DNAJC6: variants seen among roughly 807,000 people sequenced by gnomAD.
DNAJC6 encodes auxilin.
DNAJC6 carries 34 observed loss-of-function variants against 110.0 expected under a neutral mutation model. That is an observed-to-expected ratio of 0.31 (90% confidence interval 0.24 to 0.41). The LOEUF (loss-of-function observed/expected upper bound fraction) is 0.41. Among genes scored for constraint, DNAJC6 ranks in the 10% least tolerant of loss-of-function variants. The pLI is 1.00. For missense variants in DNAJC6, 1,031 were observed against 1,207.8 expected (o/e 0.85, Z 2.17); for synonymous variants, 406 against 437.2 (o/e 0.93, Z 0.89).
chr1:65,402,608 G>A (rs1452889602), intron 15 of DNAJC6, among the ~76,000 whole-genome samples: 1 of 152,150 alleles, frequency 6.6e-6, no homozygotes, highest in African/African-American at 2.4e-5. Flanking sequence ...CTCTAGGGCA[G>A]TGCAGATTTG....
At chr1:65,365,226 T>A (rs1394608935) in intron 2 of DNAJC6, among the ~76,000 whole-genome samples, 1 of 152,160 alleles carries the variant, frequency 6.6e-6, no homozygotes, top group Non-Finnish European at 1.5e-5. Flanking sequence ...ATCAGAACTT[T>A]GTTTTTGTTT....
Position 65,279,503 on chromosome 1 carries a change from CAATA to C in DNAJC6, c.-131+14580_-131+14583del, listed in dbSNP as rs1034736921. The C allele has an allele frequency of 6.6e-5, 10 of 151,962 alleles. No homozygotes were observed. The East Asian group carries it at 1.2e-3, about 18-fold the overall frequency. 9.4% of individuals were successfully genotyped at this position (151,962 alleles called of 1,614,324 possible). On this transcript the variant is annotated intron_variant, in intron 1 of 19. Coordinates refer to the DNAJC6 transcript ENST00000263441. ...ATATTAAAATACACGTTAAATATTTCAATAAATAAATATTAATATGTTAATATTA... is the reference window on the plus strand; with the variant it reads ...ATATTAAAATACACGTTAAATATTTCAATAAATATTAATATGTTAATATTA...
At chr1:65,277,777 C>T (rs985996097) in intron 1 of DNAJC6, among the ~76,000 whole-genome samples, 2 of 152,112 alleles carry the variant, frequency 1.3e-5, no homozygotes, top group African/African-American at 4.8e-5. Context: ...GAGATACTCT[C>T]CAAGTGGGAG....
chr1:65,327,817 C>A (rs1645254285), intron 1 of DNAJC6, among the ~76,000 whole-genome samples: 1 of 152,002 alleles, frequency 6.6e-6, no homozygotes, highest in African/African-American at 2.4e-5. Flanking sequence ...TAAGATATGC[C>A]TATGTAGTAT....
intron 1 of DNAJC6, among the ~76,000 whole-genome samples, chr1:65,304,053 C>A (rs1401494532): frequency 3.0e-4 from 45 of 152,134 alleles, no homozygotes; most frequent in Admixed American, 2.9e-3. Context: ...TTAACCTCTC[C>A]AAGTCTGCCT....
intron 1 of DNAJC6, among the ~76,000 whole-genome samples, chr1:65,323,266 A>G (rs1011311722): frequency 2.0e-5 from 3 of 152,122 alleles, no homozygotes; most frequent in Non-Finnish European, 2.9e-5. Context: ...TGTAATCCCC[A>G]TTTGTCGGAG....
At chr1:65,271,016 A>C (rs975754573) in intron 1 of DNAJC6, among the ~76,000 whole-genome samples, 46 of 152,318 alleles carry the variant, frequency 3.0e-4, no homozygotes, top group Non-Finnish European at 2.4e-4. Context: ...TTCTCTCAGC[A>C]GGACAATCTT....
At chr1:65,370,928 T>G (rs1570339138) in intron 4 of DNAJC6, among the ~76,000 whole-genome samples, 1 of 151,748 alleles carries the variant, frequency 6.6e-6, no homozygotes, top group Non-Finnish European at 1.5e-5. Flanking sequence ...TTGGCTGGAG[T>G]GGGAGAAGTT....
chr1:65,385,924 A>G lies in DNAJC6; in HGVS notation c.995+18A>G. 1.3e-6 allele frequency: 2 copies of G among 1,579,244 alleles called. No homozygotes were observed. Among genetic ancestry groups the G allele is most frequent in the South Asian group, 1.1e-5 (1 of 86,984 alleles). ...CGAATGAAGTAAGTCATGATACTTT[A>G]CTTCTTCCTATGTACTTCTCAATTC... On this transcript the variant is annotated intron_variant, in intron 7 of 18. Coordinates refer to ENST00000371069, the MANE Select transcript of DNAJC6 (RefSeq NM_001256864.2).
At position 65,338,980 on chromosome 1, in the gene DNAJC6, C is replaced by T. The variant is rs561690421; in HGVS notation, c.194-25655C>T. Among the ~76,000 whole-genome samples, 6 of 152,286 alleles carry T rather than the reference C, an allele frequency of 3.9e-5. No individual in the cohort carries two copies. The East Asian group carries it at 9.6e-4, about 24-fold the overall frequency. The stretch of plus-strand genomic sequence containing the variant: ...TGCTCTCCTCTGTGCTCCATTGATG[C>T]CCTCTGCGTCACATTATCCTTCCCA... On this transcript the variant is annotated intron_variant, in intron 1 of 18. Coordinates refer to ENST00000371069, the MANE Select transcript of DNAJC6 (RefSeq NM_001256864.2).
chr1:65,288,027 C>T (rs1654078692), intron 1 of DNAJC6, among the ~76,000 whole-genome samples: 2 of 152,192 alleles, frequency 1.3e-5, no homozygotes, highest in Non-Finnish European at 2.9e-5. Flanking sequence ...CAGCCTTGTA[C>T]TCTGCCTGGT....
At chr1:65,281,552 A>G (rs1406331684) in intron 1 of DNAJC6, among the ~76,000 whole-genome samples, 1 of 152,028 alleles carries the variant, frequency 6.6e-6, no homozygotes, top group Non-Finnish European at 1.5e-5. Flanking sequence ...AGTGGTTATA[A>G]AGTTGATGCA....
chr1:65,342,928 G>C (rs753027632), intron 1 of DNAJC6, among the ~76,000 whole-genome samples: 3 of 152,124 alleles, frequency 2.0e-5, no homozygotes, highest in African/African-American at 7.2e-5. Context: ...CTCTCTTCTC[G>C]CTAAGCTCTT....
At chr1:65,388,159 G>A (rs1645890313) in intron 8 of DNAJC6, among the ~76,000 whole-genome samples, 177 bp from the exon 9 acceptor site, 1 of 152,192 alleles carries the variant, frequency 6.6e-6, no homozygotes, top group South Asian at 2.1e-4. Context: ...TCAAGTAGAG[G>A]AGAGGCTGGA....
At chr1:65,355,503 G>A (rs1220488429) in intron 1 of DNAJC6, among the ~76,000 whole-genome samples, 1 of 152,130 alleles carries the variant, frequency 6.6e-6, no homozygotes, top group East Asian at 1.9e-4. Context: ...ACATGCCCCT[G>A]CTTCTGCTCT....
At position 65,408,575 on chromosome 1, in the gene DNAJC6, G is replaced by A. The variant is rs143491524; in HGVS notation, c.2492-66G>A. ...ACACCTTGAAGACTCCAGATGCTGT[G>A]AGATAATGATACAGCATTATGTTTA... On this transcript the variant is annotated intron_variant, in intron 16 of 18. Transcript: ENST00000371069. 278 of 1,533,618 alleles carry A rather than the reference G, an allele frequency of 1.8e-4. 2 individuals carry two copies. The Middle Eastern group carries it at 9.9e-3, about 55-fold the overall frequency.
rs1048209771 is a variant in DNAJC6 at position 65,415,222 on chromosome 1, A to T, written c.*2197A>T. 1 of 152,218 alleles carries T rather than the reference A, an allele frequency of 6.6e-6. No homozygotes were observed. The highest frequency in any genetic ancestry group is 1.5e-5 in the Non-Finnish European group (1 of 68,034). The allele number at this position is 152,218 out of a possible 1,614,324, so 9.4% of individuals were successfully genotyped here. On this transcript the variant is annotated 3_prime_UTR_variant, in exon 19 of 19. Coordinates refer to ENST00000371069, the MANE Select transcript of DNAJC6 (RefSeq NM_001256864.2). ...TTTTTTGTTTTGTAAATATGTTACA[A>T]CAAAATGTGATTGGTCTAAAATATT...
chr1:65,277,257 T>G, intron 1 of DNAJC6, among the ~76,000 whole-genome samples: 1 of 152,230 alleles, frequency 6.6e-6, no homozygotes, highest in Non-Finnish European at 1.5e-5. Context: ...GATTTTTAGT[T>G]ACTCTTTCTT....
intron 1 of DNAJC6, among the ~76,000 whole-genome samples, chr1:65,272,215 G>C (rs1460184226): frequency 6.6e-6 from 1 of 152,178 alleles, no homozygotes; most frequent in African/African-American, 2.4e-5. Flanking sequence ...TTAAAAATTA[G>C]ATTAAGGAAG....
Sources: gnomAD v4.1 joint callset for allele counts (sites outside exome capture counted in the v4.1 genomes callset) on GRCh38, gnomAD v4.1.1 for gene constraint, MANE v1.5 for transcripts, NCBI Gene and HGNC (gene_info 2026-07-23, HGNC 2026-07-21) for gene names.